The following MSANTD2 variants were observed in gnomAD, a reference collection of about 807,000 sequenced individuals.
MSANTD2 encodes the protein Myb/SANT DNA binding domain containing 2.
Under a neutral mutation model 52.6 loss-of-function variants are expected in MSANTD2, and 19 were observed. The ratio of observed to expected loss-of-function variants is 0.36; its 90% CI spans 0.25 to 0.53. The LOEUF is 0.53. Among genes scored for constraint, MSANTD2 ranks in the 20% least tolerant of loss-of-function variants. The pLI, the probability that MSANTD2 is intolerant of heterozygous loss-of-function variation, is 0.91. For synonymous variants in MSANTD2, 291 were observed against 289.7 expected (o/e 1.00, Z -0.04); for missense variants, 558 against 716.3 (o/e 0.78, Z 2.52).
intron 1 of MSANTD2, among the ~76,000 whole-genome samples, chr11:124,786,892 T>G (rs969255289): frequency 4.6e-5 from 7 of 152,174 alleles, no homozygotes; most frequent in Non-Finnish European, 1.0e-4. Flanking sequence ...ATGGGCTGAT[T>G]CAGAAAAAGG....
rs1944359775 is a variant in MSANTD2 at position 124,767,825 on chromosome 11, C to T, written c.1031G>A (p.Arg344Gln). The part of the protein sequence containing the change: ...EISSQVPLGK[R>Q]LREYFNSEKP... ...CTCAGAGTTGAAGTACTCCCGAAGT[C>T]GCTTGCCAAGGGGCACCTGGGAGCT... Residue 344 changes from arginine (R) to glutamine (Q), a missense_variant, in exon 4 of 4, where the codon CGA becomes CAA. By Grantham distance (43) the Arg-to-Gln change is conservative. Coordinates refer to ENST00000374979, the MANE Select transcript of MSANTD2 (RefSeq NM_001308027.2). The surrounding 1 kb of genome is among the most constrained non-coding windows in gnomAD (Gnocchi z 6.5). 6.2e-7 allele frequency: 1 copy of T among 1,614,222 alleles called. No homozygotes were observed. The highest frequency in any genetic ancestry group is 8.5e-7 in the Non-Finnish European group (1 of 1,180,028).
intron 3 of MSANTD2, among the ~76,000 whole-genome samples, chr11:124,769,672 CG>C (rs1289982777): frequency 2.6e-5 from 4 of 152,152 alleles, no homozygotes; most frequent in South Asian, 2.1e-4. Context: ...ACTTGAGAAA[CG>C]TGTGTTGAAT....
At chr11:124,783,601 CAG>C (rs912892344) in intron 1 of MSANTD2, 12 of 485,290 alleles carry the variant, frequency 2.5e-5, no homozygotes, top group Non-Finnish European at 2.9e-5. Context: ...GCCTGAGTGA[CAG>C]AGTGAGACTC....
chr11:124,785,165 T>A (rs561281883), intron 1 of MSANTD2, among the ~76,000 whole-genome samples: 1 of 152,336 alleles, frequency 6.6e-6, no homozygotes, highest in African/African-American at 2.4e-5. Flanking sequence ...AATGACCATA[T>A]GAAAAAATAT....
At chr11:124,790,736 G>A (rs575306625) in intron 1 of MSANTD2, 6 of 153,578 alleles carry the variant, frequency 3.9e-5, no homozygotes, top group African/African-American at 1.2e-4. Context: ...AAGTCCAAAC[G>A]CCTTAGCGTA....
chr11:124,795,262 T>C (rs551831861), intron 1 of MSANTD2, among the ~76,000 whole-genome samples: 2 of 152,220 alleles, frequency 1.3e-5, no homozygotes, highest in East Asian at 1.9e-4. Context: ...TTCAATCACC[T>C]TGCATTTCAT....
chr11:124,776,954 T>C (rs1212954624), intron 1 of MSANTD2, among the ~76,000 whole-genome samples: 1 of 152,194 alleles, frequency 6.6e-6, no homozygotes, highest in African/African-American at 2.4e-5. Context: ...CAAAACTTTC[T>C]AGAACAAACC....
chr11:124,785,407 T>A (rs1945126495), intron 1 of MSANTD2, among the ~76,000 whole-genome samples: 3 of 152,150 alleles, frequency 2.0e-5, no homozygotes, highest in African/African-American at 7.2e-5. Flanking sequence ...GAACCACACA[T>A]GTGAGAGACT....
chr11:124,793,914 T>C lies in MSANTD2; in HGVS notation c.510+5957A>G, dbSNP rs12049801. The stretch of plus-strand genomic sequence containing the variant: ...GAGTGTGTGGCCAGGAGAATCCTTT[T>C]ACAAAGATGAATTTAATACTGTGAA... On this transcript the variant is annotated intron_variant, in intron 1 of 3. Coordinates refer to ENST00000374979, the MANE Select transcript of MSANTD2 (RefSeq NM_001308027.2). Among the ~76,000 whole-genome samples, 167 of 152,298 alleles carry C rather than the reference T, an allele frequency of 1.1e-3. 2 individuals are homozygous for C. The East Asian group carries it at 0.026, about 24-fold the overall frequency.
chr11:124,784,069 A>C (rs996211852), intron 1 of MSANTD2: 1 of 985,330 alleles, frequency 1.0e-6, no homozygotes, highest in Non-Finnish European at 1.2e-6. Context: ...GAACTATTTC[A>C]GTATATAAGC....
chr11:124,772,627 C>T (rs758375457), intron 3 of MSANTD2, among the ~76,000 whole-genome samples: 2 of 151,666 alleles, frequency 1.3e-5, no homozygotes, highest in South Asian at 2.1e-4. Flanking sequence ...GTCCCAGCTA[C>T]GCTGGAGGCT....
chr11:124,786,794 T>A (rs940875387), intron 1 of MSANTD2, among the ~76,000 whole-genome samples: 5 of 152,220 alleles, frequency 3.3e-5, no homozygotes, highest in Non-Finnish European at 7.3e-5. Flanking sequence ...ATCTGGGTGT[T>A]ACTATATGAT....
chr11:124,795,297 A>G (rs73010502), intron 1 of MSANTD2, among the ~76,000 whole-genome samples: 8,800 of 152,284 alleles, frequency 0.058, 330 homozygotes, highest in Non-Finnish European at 0.086. Flanking sequence ...AGAAGTACAC[A>G]TCTGTTTCAA....
At chr11:124,776,938 A>G (rs1418989882) in intron 1 of MSANTD2, among the ~76,000 whole-genome samples, 1 of 152,238 alleles carries the variant, frequency 6.6e-6, no homozygotes, top group African/African-American at 2.4e-5. Flanking sequence ...TCACAATTAC[A>G]TAAGACAAAA....
At chr11:124,785,429 C>G (rs1945127229) in intron 1 of MSANTD2, among the ~76,000 whole-genome samples, 1 of 152,232 alleles carries the variant, frequency 6.6e-6, no homozygotes, top group Non-Finnish European at 1.5e-5. Context: ...AGAAGCAGGG[C>G]TGGGCACAGA....
intron 1 of MSANTD2, among the ~76,000 whole-genome samples, chr11:124,795,561 A>G (rs1388948073): frequency 1.3e-5 from 2 of 152,210 alleles, no homozygotes; most frequent in Non-Finnish European, 2.9e-5. Flanking sequence ...CACTAAATCA[A>G]GTACCGCCTT....
intron 1 of MSANTD2, among the ~76,000 whole-genome samples, chr11:124,782,074 A>C (rs1944995200): frequency 6.6e-6 from 1 of 152,168 alleles, no homozygotes; most frequent in Non-Finnish European, 1.5e-5. Context: ...GTCTCTTTAT[A>C]ACACTTTTTG....
chr11:124,773,184 C>A, intron 2 of MSANTD2, 130 bp from the exon 3 acceptor site: 1 of 604,536 alleles, frequency 1.7e-6, no homozygotes, highest in Non-Finnish European at 2.9e-6. Flanking sequence ...GTGTCAAACA[C>A]TGTCCAATGT....
chr11:124,775,733 AG>A (rs1461139130), intron 1 of MSANTD2: 1 of 152,272 alleles, frequency 6.6e-6, no homozygotes. Flanking sequence ...TCTGGGGAAA[AG>A]GACGGGACAG....
Sources: gnomAD v4.1 joint callset for allele counts (sites outside exome capture counted in the v4.1 genomes callset) on GRCh38, gnomAD v4.1.1 for gene constraint, Gnocchi (gnomAD v3.1) non-coding constraint, MANE v1.5 for transcripts, NCBI Gene and HGNC (gene_info 2026-07-23, HGNC 2026-07-21) for gene names.